Variants in KSR2 observed in about 807,000 individuals in gnomAD.
The protein encoded by KSR2 is kinase suppressor of ras 2.
In KSR2, 25 loss-of-function variants were observed where a neutral mutation model predicts 107.8. The observed-to-expected ratio is 0.23, with a 90% CI of 0.17 to 0.32. The LOEUF is 0.32. KSR2 is among the 10% of genes least tolerant of loss of function. The probability of loss-of-function intolerance (pLI) is 1.00; values close to 1 mark genes in which losing one functional copy is unlikely to be tolerated. For synonymous variants in KSR2, 480 were observed against 507.0 expected, an observed-to-expected ratio of 0.95 and a Z score of 0.71; for missense variants, 887 against 1,268.9, an observed-to-expected ratio of 0.70 and a Z score of 4.57.
intron 7 of KSR2, among the ~76,000 whole-genome samples, chr12:117,574,601 T>A (rs61482715): frequency 6.6e-6 from 1 of 152,122 alleles, no homozygotes; most frequent in Non-Finnish European, 1.5e-5. Flanking sequence ...ATGGCCACCA[T>A]GATTCAATTA....
intron 1 of KSR2, among the ~76,000 whole-genome samples, chr12:117,941,778 A>C (rs1016864159): frequency 7.0e-6 from 1 of 143,574 alleles, no homozygotes; most frequent in Non-Finnish European, 1.5e-5. Flanking sequence ...GGCATGTGCC[A>C]CCAGGCCTGG....
At chr12:117,836,572 G>A (rs568136375) in intron 3 of KSR2, among the ~76,000 whole-genome samples, 5 of 152,154 alleles carry the variant, frequency 3.3e-5, no homozygotes, top group South Asian at 4.1e-4. Context: ...CAGAGGTTCC[G>A]ATAGGGAAGA....
chr12:117,471,166 A>T (rs1871431959), intron 18 of KSR2, 25 bp downstream of exon 18: 3 of 1,612,484 alleles, frequency 1.9e-6, no homozygotes, highest in Non-Finnish European at 2.5e-6. Flanking sequence ...TCATCCCCCA[A>T]GTCTGGACCT....
intron 6 of KSR2, among the ~76,000 whole-genome samples, chr12:117,579,861 C>A (rs1565910252): frequency 6.6e-6 from 1 of 152,156 alleles, no homozygotes; most frequent in Non-Finnish European, 1.5e-5. Context: ...TGGAGGTCTC[C>A]TGTGTACAGC....
intron 4 of KSR2, among the ~76,000 whole-genome samples, chr12:117,736,325 C>T (rs1887935618): frequency 1.3e-5 from 2 of 152,144 alleles, no homozygotes; most frequent in Non-Finnish European, 2.9e-5. Context: ...TCCTTTAGTA[C>T]TTCATAAACT....
At chr12:117,783,022 ACTTAATAAATATTTACTGAG>A (rs1332032273) in intron 3 of KSR2, among the ~76,000 whole-genome samples, 9 of 152,182 alleles carry the variant, frequency 5.9e-5, no homozygotes, top group Non-Finnish European at 1.3e-4. Flanking sequence ...CAAGGACTGA[ACTTAATAAATATTTACTGAG>A]CCCTACCCTA....
At chr12:117,923,321 A>C (rs1378189794) in intron 1 of KSR2, among the ~76,000 whole-genome samples, 1 of 152,216 alleles carries the variant, frequency 6.6e-6, no homozygotes, top group Admixed American at 6.5e-5. Context: ...GGCTTGCAGA[A>C]ACCTAACCCT....
chr12:117,783,256 A>G (rs1889946279), intron 3 of KSR2, among the ~76,000 whole-genome samples: 1 of 152,180 alleles, frequency 6.6e-6, no homozygotes, highest in African/African-American at 2.4e-5. Context: ...GACAAGGTGG[A>G]TGTAGCCCCT....
intron 3 of KSR2, among the ~76,000 whole-genome samples, chr12:117,851,842 G>A (rs1174040103): frequency 7.3e-5 from 11 of 151,154 alleles, no homozygotes; most frequent in Non-Finnish European, 1.6e-4. Flanking sequence ...AGTGAGCCGA[G>A]ATCATGCCAC....
chr12:117,798,831 C>T (rs917840251), intron 3 of KSR2, among the ~76,000 whole-genome samples: 5 of 152,010 alleles, frequency 3.3e-5, no homozygotes, highest in Admixed American at 1.3e-4. Context: ...GAAGAAACAA[C>T]CCCAGTGTCC....
Position 117,968,563 on chromosome 12 carries a change from G to T in KSR2, c.-308C>A. ...TCAGAAGCAAACCAGGTGATGTGAT[G>T]CTGTCTGTACACTTAGGGAGGAGGA... On this transcript the variant is annotated 5_prime_UTR_variant, in exon 1 of 20. Coordinates refer to ENST00000339824, the MANE Select transcript of KSR2 (RefSeq NM_173598.6). 2.1e-6 allele frequency: 2 copies of T among 970,916 alleles called. No individual in the cohort carries two copies. The highest frequency in any genetic ancestry group is 2.6e-6 in the Non-Finnish European group (2 of 765,880). 60.1% of individuals were successfully genotyped at this position (970,916 alleles called of 1,614,324 possible). A position where few individuals can be genotyped will look rare whatever the true frequency, so the allele number is the denominator to read the frequency against.
chr12:117,482,483 T>C (rs1455804037), intron 16 of KSR2, among the ~76,000 whole-genome samples: 1 of 151,940 alleles, frequency 6.6e-6, no homozygotes, highest in Non-Finnish European at 1.5e-5. Flanking sequence ...GGCCAGGAAA[T>C]GTGAATTTCT....
At chr12:117,856,951 G>T (rs1893124077) in intron 2 of KSR2, among the ~76,000 whole-genome samples, 1 of 152,178 alleles carries the variant, frequency 6.6e-6, no homozygotes. Flanking sequence ...CAGGCAGGGG[G>T]CAGAGAGAGA....
At chr12:117,538,376 C>A (rs781013913) in intron 10 of KSR2, among the ~76,000 whole-genome samples, 4 of 152,002 alleles carry the variant, frequency 2.6e-5, no homozygotes, top group Non-Finnish European at 5.9e-5. Flanking sequence ...TGGATATAAC[C>A]CAAATCAAAA....
intron 5 of KSR2, among the ~76,000 whole-genome samples, chr12:117,657,907 T>C (rs1171049458): frequency 6.6e-6 from 1 of 152,228 alleles, no homozygotes; most frequent in African/African-American, 2.4e-5. Flanking sequence ...AAACAAATAC[T>C]CATATAAGTA....
At chr12:117,600,800 T>C (rs2136290182) in intron 5 of KSR2, among the ~76,000 whole-genome samples, 1 of 152,260 alleles carries the variant, frequency 6.6e-6, no homozygotes, top group Non-Finnish European at 1.5e-5. Context: ...TGTGAGCTTC[T>C]TTCATCCCTA....
chr12:117,773,786 T>C (rs1243637161), intron 3 of KSR2, among the ~76,000 whole-genome samples: 1 of 152,206 alleles, frequency 6.6e-6, no homozygotes, highest in African/African-American at 2.4e-5. Context: ...TTTTAGACAC[T>C]GGTTGAAAAT....
Position 117,855,511 on chromosome 12 carries a change from G to C in KSR2, c.389C>G (p.Thr130Ser). 1 of 1,614,010 alleles carries C rather than the reference G, an allele frequency of 6.2e-7. No homozygotes were observed. Among genetic ancestry groups the C allele is most frequent in the Non-Finnish European group, 8.5e-7 (1 of 1,179,882 alleles). The stretch of plus-strand genomic sequence containing the variant: ...CCGGTTGGCTCCGTATTTCTCCACA[G>C]TCTCGCACACCTGTTCATCCGTCAT... ...LEMTDEQVCETVEKYGANREE... is the reference protein window; with the variant it reads ...LEMTDEQVCESVEKYGANREE... The change falls in exon 3 of 20, where the codon ACT becomes AGT. Residue 130 changes from threonine to serine, a missense_variant. Physicochemically the swap from Thr to Ser is moderately conservative, Grantham distance 58. Transcript: ENST00000339824.
chr12:117,875,769 C>A (rs1408566438), intron 1 of KSR2, among the ~76,000 whole-genome samples: 2 of 152,162 alleles, frequency 1.3e-5, no homozygotes, highest in African/African-American at 4.8e-5. Flanking sequence ...CCTCTCAATG[C>A]CACCATCACG....
Sources: gnomAD v4.1 joint callset for allele counts (sites outside exome capture counted in the v4.1 genomes callset) on GRCh38, gnomAD v4.1.1 for gene constraint, MANE v1.5 for transcripts, NCBI Gene and HGNC (gene_info 2026-07-23, HGNC 2026-07-21) for gene names.